The following ENG variants were observed in gnomAD, a reference collection of about 807,000 sequenced individuals.
ENG encodes CD105 antigen.
ENG carries 17 observed loss-of-function variants against 71.0 expected under a neutral mutation model. That is an observed-to-expected ratio of 0.24 (90% CI 0.16 to 0.36). The LOEUF is 0.36. Ranked by LOEUF, ENG falls within the 10% of genes least tolerant of loss-of-function variation. The pLI is 1.00. For synonymous variants in ENG, 360 were observed against 366.9 expected (o/e 0.98, Z 0.21); for missense variants, 749 against 868.3 (o/e 0.86, Z 1.73).
intron 8 of ENG, among the ~76,000 whole-genome samples, chr9:127,823,581 G>A (rs1432976802): frequency 1.3e-5 from 2 of 151,254 alleles, no homozygotes; most frequent in South Asian, 2.1e-4. Context: ...GTAGGGACAG[G>A]GTTTCACTGT....
intron 2 of ENG, among the ~76,000 whole-genome samples, chr9:127,831,677 G>C (rs1168565714): frequency 6.7e-6 from 1 of 149,342 alleles, no homozygotes; most frequent in African/African-American, 2.5e-5. Context: ...GAACCACCCT[G>C]CCTGGCCTTT....
chr9:127,825,708 C>T lies in ENG; in HGVS notation c.676G>A (p.Gly226Ser), dbSNP rs981986956. The change falls in exon 5 of 15, where the codon GGC becomes AGC. Residue 226 changes from glycine to serine, a missense_variant. Gly to Ser is a moderately conservative substitution (Grantham distance 56). Coordinates refer to ENST00000373203, the MANE Select transcript of ENG (RefSeq NM_001114753.3). ...CGAGAGCCATACCCGGCCGAGTGGC[C>T]CGGCAGGACCCTCAGGATGTGCGCC... ...KEAHILRVLP[G>S]HSAGPRTVTV... 4 of 1,586,148 alleles carry T rather than the reference C, an allele frequency of 2.5e-6. No individual in the cohort carries two copies. The African/African-American group carries it at 4.0e-5, about 16-fold the overall frequency.
chr9:127,829,725 G>A lies in ENG; in HGVS notation c.322C>T (p.His108Tyr), dbSNP rs756897517. ...AGTGGGATTCCCAGGGCCTGGAGAT[G>A]CAGGAAGACACTGCTGTTTACACTG... Reference protein sequence around the residue: ...VLSVNSSVFLHLQALGIPLHL... With the variant: ...VLSVNSSVFLYLQALGIPLHL... Residue 108 changes from histidine (H) to tyrosine (Y), a missense_variant, in exon 3 of 15, where the codon CAT becomes TAT. By Grantham distance (83) the His-to-Tyr change is moderately conservative. Transcript: ENST00000373203. 1.6e-4 allele frequency: 255 copies of A among 1,614,166 alleles called. 2 individuals are homozygous for A. The Middle Eastern group carries it at 9.1e-3, about 57-fold the overall frequency.
intron 3 of ENG, among the ~76,000 whole-genome samples, chr9:127,827,632 C>T (rs532688925): frequency 9.2e-5 from 14 of 152,090 alleles, no homozygotes; most frequent in Admixed American, 2.6e-4. Context: ...AAAAGGGCTT[C>T]GGGTTGGATT....
At chr9:127,831,181 G>A (rs1338773159) in intron 2 of ENG, among the ~76,000 whole-genome samples, 1 of 139,820 alleles carries the variant, frequency 7.2e-6, no homozygotes, top group African/African-American at 2.7e-5. Flanking sequence ...TTTTTTTAGA[G>A]ACAGAGTCTC....
At chr9:127,831,009 T>C (rs548240906) in intron 2 of ENG, among the ~76,000 whole-genome samples, 5 of 152,312 alleles carry the variant, frequency 3.3e-5, no homozygotes, top group Admixed American at 3.3e-4. Context: ...AATTTTTAAT[T>C]GTTCAATGAT....
rs187752046 is a variant in ENG at position 127,850,234 on chromosome 9, C to T, written c.67+4055G>A. 7.9e-5 allele frequency among the ~76,000 whole-genome samples: 12 copies of T among 152,364 alleles called. No individual in the cohort carries two copies. The East Asian group carries it at 1.5e-3, about 20-fold the overall frequency. On this transcript the variant is annotated intron_variant, in intron 1 of 14. Transcript: ENST00000373203. ...GAAGCAGACGGCCTGGAGTTGAAATCTGGACCTGTCATTTGTCCCAAGCCT... is the reference window on the plus strand; with the variant it reads ...GAAGCAGACGGCCTGGAGTTGAAATTTGGACCTGTCATTTGTCCCAAGCCT...
intron 1 of ENG, among the ~76,000 whole-genome samples, chr9:127,852,329 A>G (rs369806344): frequency 7.2e-5 from 11 of 152,130 alleles, no homozygotes; most frequent in African/African-American, 2.7e-4. Context: ...TGGTGCCCCC[A>G]AATTCTAGAC....
rs142896669 is a variant in ENG, at chr9:127,818,173, C to T, written c.1633G>A (p.Gly545Ser). The T allele has an allele frequency of 6.4e-4, 1,028 of 1,614,188 alleles. 2 individuals carry two copies. Among genetic ancestry groups the T allele is most frequent in the Admixed American group, 1.3e-3 (79 of 60,022 alleles). Residue 545 changes from glycine (G) to serine (S), a missense_variant, in exon 12 of 15, where the codon GGC becomes AGC. Physicochemically the swap from Gly to Ser is moderately conservative, Grantham distance 56. Coordinates refer to ENST00000373203, the MANE Select transcript of ENG (RefSeq NM_001114753.3). ...HFYTVPIPKT[G>S]TLSCTVALRP... ...AGGGCTACCGTGCAGCTGAGGGTGC[C>T]GGTTTTGGGTATGGGTACTGTGTAG...
intron 1 of ENG, 148 bp from the exon 2 acceptor site, chr9:127,843,393 T>A: frequency 9.1e-7 from 1 of 1,103,514 alleles, no homozygotes; most frequent in Non-Finnish European, 1.3e-6. Context: ...ATCATTATAT[T>A]CGTTCCATGG....
rs112840232 is a variant in ENG at position 127,852,993 on chromosome 9, A to C, written c.67+1296T>G. On this transcript the variant is annotated intron_variant, in intron 1 of 14. Transcript: ENST00000373203. ...CTCAGGTAGGGGCTCCGTCTTAGCC[A>C]TGTGAACTTGGCAGGTTAGAGCCTC... Among the ~76,000 whole-genome samples, 1,122 of 152,296 alleles carry C rather than the reference A, an allele frequency of 7.4e-3. 13 individuals carry two copies. Among genetic ancestry groups the C allele is most frequent in the Admixed American group, 0.016 (250 of 15,300 alleles).
chr9:127,853,395 A>G (rs1446422683), intron 1 of ENG, among the ~76,000 whole-genome samples: 4 of 152,132 alleles, frequency 2.6e-5, no homozygotes. Flanking sequence ...AAGGATGTCC[A>G]CAGGACCGGC....
chr9:127,842,526 G>A (rs982139386), intron 2 of ENG, among the ~76,000 whole-genome samples: 4 of 152,082 alleles, frequency 2.6e-5, no homozygotes, highest in African/African-American at 9.7e-5. Flanking sequence ...ACTGGTTCAA[G>A]CAATTCTCCT....
Position 127,820,837 on chromosome 9 carries a change from A to T in ENG, c.1135-800T>A, listed in dbSNP as rs111292569. On this transcript the variant is annotated intron_variant, in intron 8 of 14. Coordinates refer to ENST00000373203, the MANE Select transcript of ENG (RefSeq NM_001114753.3). ...GAGCGAGACTCCGTCTCAAAAAAAAAAAATATATATATATATATTCCTTCA... is the reference window on the plus strand; with the variant it reads ...GAGCGAGACTCCGTCTCAAAAAAAATAAATATATATATATATATTCCTTCA... Among the ~76,000 whole-genome samples, 873 of 150,902 alleles carry T rather than the reference A, an allele frequency of 5.8e-3. 7 individuals carry two copies. Among genetic ancestry groups the T allele is most frequent in the African/African-American group, 0.018 (757 of 41,154 alleles).
intron 4 of ENG, 60 bp downstream of exon 4, chr9:127,826,450 G>A: frequency 6.2e-7 from 1 of 1,605,358 alleles, no homozygotes; most frequent in South Asian, 1.1e-5. Context: ...GTGGGCCAGA[G>A]GAGCTCAGAT....
At position 127,836,804 on chromosome 9, in the gene ENG, T is replaced by C. The variant is rs1353019022; in HGVS notation, c.219+6290A>G. On this transcript the variant is annotated intron_variant, in intron 2 of 14. Transcript: ENST00000373203. The surrounding 1 kb of genome is among the most constrained non-coding windows in gnomAD (Gnocchi z 4.0). ...ATGTGGGAGTAGTTTGGCTTTTTTTTTGAGACACAGTCTTGCTCTGTCACT... is the reference window on the plus strand; with the variant it reads ...ATGTGGGAGTAGTTTGGCTTTTTTTCTGAGACACAGTCTTGCTCTGTCACT... Among the ~76,000 whole-genome samples, 4 of 152,204 alleles carry C rather than the reference T, an allele frequency of 2.6e-5. No homozygotes were observed. Among genetic ancestry groups the C allele is most frequent in the Non-Finnish European group, 4.4e-5 (3 of 68,022 alleles).
At chr9:127,837,476 C>A (rs180937005) in intron 2 of ENG, among the ~76,000 whole-genome samples, 58 of 152,270 alleles carry the variant, frequency 3.8e-4, no homozygotes, top group African/African-American at 1.4e-3. Context: ...TTCTGGTGGT[C>A]AGCCCACGTG....
At chr9:127,834,371 G>A (rs770211775) in intron 2 of ENG, among the ~76,000 whole-genome samples, 2 of 151,980 alleles carry the variant, frequency 1.3e-5, no homozygotes, top group Non-Finnish European at 2.9e-5. Context: ...CCGAGCAGCT[G>A]GGACTACAGG....
Position 127,854,417 on chromosome 9 carries a change from C to A in ENG, c.-62G>T. On this transcript the variant is annotated 5_prime_UTR_variant, in exon 1 of 15. Coordinates refer to ENST00000373203, the MANE Select transcript of ENG (RefSeq NM_001114753.3). ...CTGTGTCCAGTGGCAGGGCTGCGGGCGGGCACCGGGGCCGGCGTGGGCTCG... is the reference window on the plus strand; with the variant it reads ...CTGTGTCCAGTGGCAGGGCTGCGGGAGGGCACCGGGGCCGGCGTGGGCTCG... 1 of 1,516,722 alleles carries A rather than the reference C, an allele frequency of 6.6e-7. No individual in the cohort carries two copies. Among genetic ancestry groups the A allele is most frequent in the African/African-American group, 1.4e-5 (1 of 71,580 alleles). 94.0% of individuals were successfully genotyped at this position (1,516,722 alleles called of 1,614,324 possible). A position where few individuals can be genotyped will look rare whatever the true frequency, so the allele number is the denominator to read the frequency against.
Sources: gnomAD v4.1 joint callset for allele counts (sites outside exome capture counted in the v4.1 genomes callset) on GRCh38, gnomAD v4.1.1 for gene constraint, Gnocchi (gnomAD v3.1) non-coding constraint, MANE v1.5 for transcripts, NCBI Gene and HGNC (gene_info 2026-07-23, HGNC 2026-07-21) for gene names.